Variants in SACM1L observed in about 807,000 individuals in gnomAD.
SACM1L encodes the protein SAC1 like phosphatidylinositide phosphatase.
A neutral mutation model predicts 89.5 loss-of-function variants in SACM1L; 32 were observed. That is an observed-to-expected ratio of 0.36 (90% CI 0.27 to 0.48). SACM1L has a LOEUF of 0.48. SACM1L is among the 20% of genes least tolerant of loss of function. The pLI is 0.99. For synonymous variants in SACM1L, 213 were observed against 232.8 expected (o/e 0.92, Z 0.77); for missense variants, 543 against 708.5 (o/e 0.77, Z 2.65).
intron 4 of SACM1L, 124 bp downstream of exon 4, chr3:45,707,031 G>A: frequency 1.3e-6 from 1 of 797,224 alleles, no homozygotes. Flanking sequence ...TATAGAGTAA[G>A]ATCACTCTAC....
intron 11 of SACM1L, among the ~76,000 whole-genome samples, chr3:45,729,406 T>C (rs1351877294): frequency 6.6e-6 from 1 of 152,206 alleles, no homozygotes; most frequent in African/African-American, 2.4e-5. Flanking sequence ...TTTATATCTC[T>C]GTATAGCTGC....
chr3:45,738,737 G>A (rs181967325), intron 17 of SACM1L, 44 bp from the exon 18 acceptor site: 3 of 1,522,078 alleles, frequency 2.0e-6, no homozygotes, highest in Middle Eastern at 1.7e-4. Flanking sequence ...CATCACTAAT[G>A]TTATCTCACA....
chr3:45,740,541 T>C (rs1020680474), intron 19 of SACM1L, among the ~76,000 whole-genome samples: 57 of 152,308 alleles, frequency 3.7e-4, no homozygotes, highest in African/African-American at 1.3e-3. Context: ...ACTTTTTCCT[T>C]TGGCATAGTA....
At chr3:45,714,285 C>G (rs1170725192) in intron 7 of SACM1L, among the ~76,000 whole-genome samples, 1 of 147,924 alleles carries the variant, frequency 6.8e-6, no homozygotes, top group African/African-American at 2.5e-5. Context: ...ATACGATTCT[C>G]TCTCTGTTCA....
chr3:45,725,474 A>G (rs1698896956), intron 11 of SACM1L, among the ~76,000 whole-genome samples: 1 of 152,022 alleles, frequency 6.6e-6, no homozygotes, highest in Admixed American at 6.6e-5. Flanking sequence ...AGTGTAAATG[A>G]AATTGTTTTT....
In SACM1L at chr3:45,689,513, C is replaced by T. The variant is rs1037999176; in HGVS notation, c.32+16C>T. On this transcript the variant is annotated intron_variant, in intron 1 of 19. Transcript: ENST00000389061. ...AGCTGAAGCTGTGAGTCCCACGGGC[C>T]AGAGGCCTGAGGCGCGGCGGGCGGG... 3.2e-6 allele frequency: 5 copies of T among 1,572,066 alleles called. No individual in the cohort carries two copies. The highest frequency in any genetic ancestry group is 4.3e-6 in the Non-Finnish European group (5 of 1,159,574).
chr3:45,691,761 C>T (rs150054448), intron 1 of SACM1L, among the ~76,000 whole-genome samples: 66 of 152,220 alleles, frequency 4.3e-4, no homozygotes, highest in African/African-American at 1.5e-3. Flanking sequence ...ACTACAGATG[C>T]ACACCACCAC....
At chr3:45,741,164 G>A (rs1016512082) in intron 19 of SACM1L, among the ~76,000 whole-genome samples, 4 of 152,106 alleles carry the variant, frequency 2.6e-5, no homozygotes, top group African/African-American at 9.7e-5. Context: ...TCCTGAATTC[G>A]TTGAGCCAAC....
At chr3:45,699,812 G>A (rs1020855595) in intron 1 of SACM1L, among the ~76,000 whole-genome samples, 11 of 152,058 alleles carry the variant, frequency 7.2e-5, no homozygotes, top group Non-Finnish European at 1.2e-4. Flanking sequence ...GTGAGCCACC[G>A]CGCCCAGCCG....
At chr3:45,723,571 A>G in intron 11 of SACM1L, 28 bp downstream of exon 11, 1 of 1,253,130 alleles carries the variant, frequency 8.0e-7, no homozygotes, top group South Asian at 1.6e-5. Flanking sequence ...CTTGGGGGGA[A>G]AAAAAAGCCT....
chr3:45,728,564 C>A (rs1204797416), intron 11 of SACM1L, among the ~76,000 whole-genome samples: 1 of 152,102 alleles, frequency 6.6e-6, no homozygotes. Context: ...TCCTGTAAAG[C>A]CTTCATGCTT....
chr3:45,698,995 G>A (rs576901197), intron 1 of SACM1L, among the ~76,000 whole-genome samples: 22 of 152,124 alleles, frequency 1.4e-4, no homozygotes, highest in Admixed American at 7.9e-4. Flanking sequence ...GGATGGTCTC[G>A]ATCTCCTGAC....
In SACM1L at chr3:45,744,786, A is replaced by C. The variant is rs186433372; in HGVS notation, c.*1117A>C. 6.5e-6 allele frequency: 1 copy of C among 152,790 alleles called. No individual in the cohort carries two copies. Among genetic ancestry groups the C allele is most frequent in the African/African-American group, 2.4e-5 (1 of 41,582 alleles). The allele number at this position is 152,790 out of a possible 1,614,324, so 9.5% of individuals were successfully genotyped here. ...ATTGTAAGTCAGATTGTATATTCAAATTGTAATTAAGAGATTTAAATATTA... is the reference window on the plus strand; with the variant it reads ...ATTGTAAGTCAGATTGTATATTCAACTTGTAATTAAGAGATTTAAATATTA... On this transcript the variant is annotated 3_prime_UTR_variant, in exon 20 of 20. Coordinates refer to ENST00000389061, the MANE Select transcript of SACM1L (RefSeq NM_014016.5).
At chr3:45,716,187 G>T (rs1487827900) in intron 7 of SACM1L, among the ~76,000 whole-genome samples, 1 of 152,134 alleles carries the variant, frequency 6.6e-6, no homozygotes, top group East Asian at 1.9e-4. Context: ...CTTTAAATGT[G>T]ATGGGGCCAG....
At position 45,744,826 on chromosome 3, in the gene SACM1L, G is replaced by A. The variant is rs558539132; in HGVS notation, c.*1157G>A. 1.8e-4 allele frequency: 25 copies of A among 137,944 alleles called. No individual in the cohort carries two copies. Among genetic ancestry groups the A allele is most frequent in the African/African-American group, 6.9e-4 (25 of 36,390 alleles). 8.5% of individuals were successfully genotyped at this position (137,944 alleles called of 1,614,324 possible). Reference sequence around the variant, plus strand: ...TTTAAATATTAGAACGGTATGTAAGGTAGTATAATTACCACTATTTTAAAT... The same window carrying A: ...TTTAAATATTAGAACGGTATGTAAGATAGTATAATTACCACTATTTTAAAT... On this transcript the variant is annotated 3_prime_UTR_variant, in exon 20 of 20. Transcript: ENST00000389061.
At chr3:45,729,370 C>T (rs1332117097) in intron 11 of SACM1L, among the ~76,000 whole-genome samples, 16 of 152,180 alleles carry the variant, frequency 1.1e-4, no homozygotes, top group Non-Finnish European at 8.8e-5. Flanking sequence ...CAGGTGTGAG[C>T]TACTATGCCC....
At chr3:45,730,842 A>G (rs1699035848) in intron 11 of SACM1L, among the ~76,000 whole-genome samples, 1 of 152,234 alleles carries the variant, frequency 6.6e-6, no homozygotes, top group Non-Finnish European at 1.5e-5. Flanking sequence ...AGCTTTTACA[A>G]ACAGTGGTCA....
rs1270543675 is a variant in SACM1L, at chr3:45,709,623, C to T, written c.459C>T (p.Phe153=). 1 of 1,612,750 alleles carries T rather than the reference C, an allele frequency of 6.2e-7. No homozygotes were observed. ...LQRLSNTSPE[F]QEMSLLERAD... ...GGCTATCCAACACTAGTCCTGAATT[C>T]CAAGAAATGAGTCTCTTGGAAAGGG... Residue 153 remains phenylalanine, a synonymous_variant, in exon 5 of 20, where the codon TTC becomes TTT. Coordinates refer to ENST00000389061, the MANE Select transcript of SACM1L (RefSeq NM_014016.5).
At chr3:45,703,573 A>G (rs757999852) in intron 2 of SACM1L, 38 bp downstream of exon 2, 7 of 1,316,078 alleles carry the variant, frequency 5.3e-6, no homozygotes, top group Middle Eastern at 3.7e-4. Context: ...AGGGAGAAAG[A>G]TTTTATACAT....
Sources: allele counts gnomAD v4.1 joint callset (sites outside exome capture counted in the v4.1 genomes callset), GRCh38; gene constraint gnomAD v4.1.1; transcripts MANE v1.5; gene names NCBI Gene and HGNC (gene_info 2026-07-23, HGNC 2026-07-21).